Variants in DSCAM observed in about 807,000 individuals in gnomAD.
DSCAM encodes the protein cell adhesion molecule DSCAM.
In DSCAM, 47 loss-of-function variants were observed where a neutral mutation model predicts 217.7. The observed-to-expected ratio is 0.22, with a 90% CI of 0.17 to 0.28. DSCAM has a LOEUF of 0.28. Among genes scored for constraint, DSCAM ranks in the 10% least tolerant of loss-of-function variants. DSCAM has a pLI of 1.00. For missense variants in DSCAM, 2,080 were observed against 2,618.3 expected, an observed-to-expected ratio of 0.79 and a Z score of 4.49; for synonymous variants, 1,056 against 1,015.3, an observed-to-expected ratio of 1.04 and a Z score of -0.76.
Position 40,505,045 on chromosome 21 carries a change from T to C in DSCAM, c.509-135800A>G, listed in dbSNP as rs139517654. On this transcript the variant is annotated intron_variant, in intron 3 of 32. Coordinates refer to ENST00000400454, the MANE Select transcript of DSCAM (RefSeq NM_001389.5). ...ACTGAGGCCACCACCAGGTGGAAGG[T>C]AAGAGCCTATCAATGACTTGGTTTT... is the stretch of plus-strand genomic sequence containing the variant. 3.3e-3 allele frequency among the ~76,000 whole-genome samples: 497 copies of C among 152,282 alleles called. 2 individuals are homozygous for C. Among genetic ancestry groups the C allele is most frequent in the African/African-American group, 0.012 (479 of 41,550 alleles).
chr21:40,755,680 C>T (rs1366614897), intron 1 of DSCAM, among the ~76,000 whole-genome samples: 1 of 152,030 alleles, frequency 6.6e-6, no homozygotes, highest in Non-Finnish European at 1.5e-5. Context: ...CACCCTGGCC[C>T]CCCAAGGTAT....
intron 3 of DSCAM, among the ~76,000 whole-genome samples, chr21:40,691,576 A>C (rs2090538101): frequency 6.6e-6 from 1 of 152,204 alleles, no homozygotes; most frequent in Admixed American, 6.5e-5. Flanking sequence ...GCAAATAAAA[A>C]TGTATAAGGG....
At chr21:40,817,826 G>A (rs1213717083) in intron 1 of DSCAM, among the ~76,000 whole-genome samples, 2 of 151,752 alleles carry the variant, frequency 1.3e-5, no homozygotes, top group Non-Finnish European at 2.9e-5. Context: ...GCCGGGCGCG[G>A]TGGCTCACGC....
Position 40,527,155 on chromosome 21 carries a change from G to A in DSCAM, c.509-157910C>T, listed in dbSNP as rs144751421. On this transcript the variant is annotated intron_variant, in intron 3 of 32. Transcript: ENST00000400454. Reference sequence around the variant, plus strand: ...GTCCCTATATGGACATACAGGTGAAGCTCTCACTTCCTAAATGCTTCCAGC... The same window carrying A: ...GTCCCTATATGGACATACAGGTGAAACTCTCACTTCCTAAATGCTTCCAGC... 5.8e-3 allele frequency among the ~76,000 whole-genome samples: 888 copies of A among 152,208 alleles called. 4 individuals are homozygous for A. The highest frequency in any genetic ancestry group is 8.4e-3 in the Admixed American group (129 of 15,288).
intron 27 of DSCAM, among the ~76,000 whole-genome samples, chr21:40,066,890 C>T (rs1417252348): frequency 1.3e-5 from 2 of 152,172 alleles, no homozygotes; most frequent in Admixed American, 1.3e-4. Context: ...CTTTCTATAA[C>T]CTCAACTAAC....
chr21:40,152,883 A>C (rs1024764397), intron 16 of DSCAM, among the ~76,000 whole-genome samples: 1 of 152,154 alleles, frequency 6.6e-6, no homozygotes, highest in Non-Finnish European at 1.5e-5. Context: ...CCCCCTTCCC[A>C]TTGAAAGGAA....
chr21:40,538,316 C>T (rs2076515940), intron 3 of DSCAM, among the ~76,000 whole-genome samples: 1 of 152,070 alleles, frequency 6.6e-6, no homozygotes, highest in Non-Finnish European at 1.5e-5. Context: ...CAGCAGCACG[C>T]CAAGCACAGC....
chr21:40,834,435 TAATAATAATAATA>T (rs1569060371), intron 1 of DSCAM, among the ~76,000 whole-genome samples: 1 of 97,042 alleles, frequency 1.0e-5, no homozygotes, highest in East Asian at 2.9e-4. Flanking sequence ...AAAATAATAA[TAATAATAATAATA>T]ATAATAATAA....
At chr21:40,655,185 C>T (rs2090060320) in intron 3 of DSCAM, among the ~76,000 whole-genome samples, 1 of 152,164 alleles carries the variant, frequency 6.6e-6, no homozygotes, top group Non-Finnish European at 1.5e-5. Flanking sequence ...CTCTTCTCTA[C>T]CCTGCTTAAG....
intron 3 of DSCAM, among the ~76,000 whole-genome samples, chr21:40,421,289 G>A (rs1416227619): frequency 1.3e-5 from 2 of 152,158 alleles, no homozygotes; most frequent in Admixed American, 6.5e-5. Context: ...ACACGCCTCC[G>A]AAACTGGTGA....
At chr21:40,319,277 CCA>C (rs759516276) in intron 8 of DSCAM, among the ~76,000 whole-genome samples, 3 of 152,080 alleles carry the variant, frequency 2.0e-5, no homozygotes, top group Non-Finnish European at 2.9e-5. Context: ...TTTTCTCTGG[CCA>C]CATTCTCCAT....
chr21:40,645,564 T>C (rs918602729), intron 3 of DSCAM, among the ~76,000 whole-genome samples: 2 of 152,154 alleles, frequency 1.3e-5, no homozygotes, highest in African/African-American at 4.8e-5. Context: ...CTATAAGTAG[T>C]ATGAGAAGAA....
intron 11 of DSCAM, among the ~76,000 whole-genome samples, chr21:40,247,690 C>A (rs554728477): frequency 1.2e-4 from 19 of 152,294 alleles, no homozygotes; most frequent in Admixed American, 7.2e-4. Flanking sequence ...ATGTCTGTGA[C>A]TTTTGTAGGC....
rs924416871 is a variant in DSCAM at position 40,187,901 on chromosome 21, G to A, written c.2640C>T (p.Leu880=). The change falls in exon 13 of 33, where the codon CTC becomes CTT. Residue 880 remains leucine (L), a synonymous_variant. Transcript: ENST00000400454. The stretch of plus-strand genomic sequence containing the variant: ...CTATCGTCTTCCTACCTTGCACTGT[G>A]AGCTGAATTATTCCACGGTCCTCCC... ...SYGEDRGIIQ[L]TVQEPPDPPE... is the part of the protein sequence containing the mutation. The A allele has an allele frequency of 1.4e-5, 23 of 1,613,392 alleles. No homozygotes were observed. In the East Asian group the frequency reaches 4.7e-4, roughly 33 times the overall value.
At chr21:40,524,236 C>T (rs1390691924) in intron 3 of DSCAM, among the ~76,000 whole-genome samples, 1 of 152,116 alleles carries the variant, frequency 6.6e-6, no homozygotes, top group Non-Finnish European at 1.5e-5. Flanking sequence ...TTTAATCTGT[C>T]ATTTTCCAAT....
At chr21:40,692,754 A>G (rs1021001561) in intron 3 of DSCAM, 56 bp downstream of exon 3, 2 of 1,561,714 alleles carry the variant, frequency 1.3e-6, no homozygotes, top group African/African-American at 1.4e-5. Flanking sequence ...CATCTCTGAA[A>G]TAACCTTTTC....
intron 28 of DSCAM, among the ~76,000 whole-genome samples, chr21:40,061,593 G>GAAA (rs757941002): frequency 1.4e-5 from 2 of 147,602 alleles, no homozygotes; most frequent in Non-Finnish European, 3.0e-5. Context: ...AAAGAAAAAG[G>GAAA]AAAAGACTTA....
In DSCAM at chr21:40,528,898, CTTTTT is replaced by C. The variant is rs911356584; in HGVS notation, c.509-159658_509-159654del. Among the ~76,000 whole-genome samples the C allele has an allele frequency of 1.0e-4, 10 of 99,386 alleles. No homozygotes were observed. In the South Asian group the frequency reaches 1.3e-3, roughly 13 times the overall value. 65.2% of individuals were successfully genotyped at this position (99,386 alleles called of 152,430 possible). ...TCTTTGGCAATGTCCAGGCTTTCCA[CTTTTT>C]TTTTTTTTTTTTTTTTTTGAGATGG... On this transcript the variant is annotated intron_variant, in intron 3 of 32. Transcript: ENST00000400454.
At chr21:40,367,782 G>A (rs1434086429) in intron 4 of DSCAM, among the ~76,000 whole-genome samples, 2 of 151,976 alleles carry the variant, frequency 1.3e-5, no homozygotes, top group African/African-American at 2.4e-5. Flanking sequence ...GCTACTTTTC[G>A]GCAGGTGGCT....
Sources: gnomAD v4.1 joint callset for allele counts (sites outside exome capture counted in the v4.1 genomes callset) on GRCh38, gnomAD v4.1.1 for gene constraint, MANE v1.5 for transcripts, NCBI Gene and HGNC (gene_info 2026-07-23, HGNC 2026-07-21) for gene names.